The following RXYLT1 variants were observed in gnomAD, a reference collection of about 807,000 sequenced individuals.
The protein encoded by RXYLT1 is ribitol-5-phosphate xylosyltransferase 1.
Under a neutral mutation model 43.5 loss-of-function variants are expected in RXYLT1, and 41 were observed. The observed-to-expected ratio is 0.94, with a 90% confidence interval of 0.73 to 1.22. The LOEUF (loss-of-function observed/expected upper bound fraction) is 1.22, where lower values mean the gene tolerates loss of function less well. Among genes scored for constraint, RXYLT1 ranks in the 50% most tolerant of loss-of-function variants. RXYLT1 has a pLI of 0.00. For synonymous variants in RXYLT1, 166 were observed against 194.4 expected (o/e 0.85, Z 1.21); for missense variants, 514 against 532.0 (o/e 0.97, Z 0.33).
intron 3 of RXYLT1, among the ~76,000 whole-genome samples, chr12:63,800,319 T>C (rs1433721519): frequency 6.6e-6 from 1 of 152,222 alleles, no homozygotes; most frequent in Non-Finnish European, 1.5e-5. Context: ...TTATGTATCA[T>C]GTATATAAAA....
Position 63,780,030 on chromosome 12 carries a change from G to C in RXYLT1, c.70G>C (p.Ala24Pro), listed in dbSNP as rs377034865. Residue 24 changes from alanine to proline, a missense_variant, in exon 1 of 6, where the codon GCC (alanine) becomes CCC (proline). By Grantham distance (27) the Ala-to-Pro change is conservative. Transcript: ENST00000261234. Reference sequence around the variant, plus strand: ...GTACTGCCTATTCTCCCTCTACGCTGCCTACCACGTCTTCTTCGGGCGCCG... The same window carrying C: ...GTACTGCCTATTCTCCCTCTACGCTCCCTACCACGTCTTCTTCGGGCGCCG... ...ALYCLFSLYA[A>P]YHVFFGRRRQ... is the part of the protein sequence containing the mutation. 1.7e-5 allele frequency: 27 copies of C among 1,608,392 alleles called. No homozygotes were observed. The Admixed American group carries it at 2.3e-4, about 14-fold the overall frequency.
chr12:63,782,414 CT>C (rs1225186510), intron 2 of RXYLT1: 2 of 441,368 alleles, frequency 4.5e-6, no homozygotes, highest in Admixed American at 2.5e-5. Context: ...TTGAAGTCAT[CT>C]TTTCCTTTTT....
chr12:63,805,540 T>A, intron 5 of RXYLT1, 136 bp downstream of exon 5: 1 of 832,106 alleles, frequency 1.2e-6, no homozygotes, highest in Non-Finnish European at 1.8e-6. Context: ...CATTAGTAAT[T>A]AAAACTGTGA....
In RXYLT1 at chr12:63,809,183, C is replaced by T; in HGVS notation, c.*91C>T. 3.2e-6 allele frequency: 3 copies of T among 950,174 alleles called. No individual in the cohort carries two copies. The East Asian group carries it at 8.0e-5, about 25-fold the overall frequency. The allele number at this position is 950,174 out of a possible 1,614,324, so 58.9% of individuals were successfully genotyped here. On this transcript the variant is annotated 3_prime_UTR_variant, in exon 6 of 6. Coordinates refer to ENST00000261234, the MANE Select transcript of RXYLT1 (RefSeq NM_014254.3). ...GTGTGTGTATGTATTTATAGATGTT[C>T]TTTAAGGTACCCTTGAAAACTCTAC...
chr12:63,790,056 A>G (rs546320690), intron 3 of RXYLT1, among the ~76,000 whole-genome samples: 3 of 152,350 alleles, frequency 2.0e-5, no homozygotes, highest in African/African-American at 7.2e-5. Flanking sequence ...AAAGGATATC[A>G]TCAGTGTTGC....
chr12:63,805,128 A>G, intron 4 of RXYLT1, 106 bp from the exon 5 acceptor site: 1 of 766,638 alleles, frequency 1.3e-6, no homozygotes, highest in Non-Finnish European at 1.9e-6. Context: ...TAGAAATCAC[A>G]TTTTAAACCT....
At position 63,780,081 on chromosome 12, in the gene RXYLT1, C is replaced by T. The variant is rs919738975; in HGVS notation, c.121C>T (p.Arg41Trp). Residue 41 changes from arginine to tryptophan, a missense_variant, in exon 1 of 6, where the codon CGG (arginine) becomes TGG (tryptophan). Transcript: ENST00000261234. ...RRRQAPAGSP[R>W]GLRKGAAPAR... Reference sequence around the variant, plus strand: ...CCGCCAGGCGCCGGCCGGGTCCCCGCGGGGCCTCAGGAAGGGGGCGGCCCC... The same window carrying T: ...CCGCCAGGCGCCGGCCGGGTCCCCGTGGGGCCTCAGGAAGGGGGCGGCCCC... 6.3e-7 allele frequency: 1 copy of T among 1,592,304 alleles called. No individual in the cohort carries two copies. The highest frequency in any genetic ancestry group is 1.7e-5 in the Admixed American group (1 of 58,106).
Position 63,809,259 on chromosome 12 carries a change from G to A in RXYLT1, c.*167G>A. ...TCAGTCAGTGGTAGACTACATATAT[G>A]ATAGTGGTCCCATAAGATTATAATG... On this transcript the variant is annotated 3_prime_UTR_variant, in exon 6 of 6. Coordinates refer to ENST00000261234, the MANE Select transcript of RXYLT1 (RefSeq NM_014254.3). 3.7e-6 allele frequency: 2 copies of A among 542,490 alleles called. No individual in the cohort carries two copies. Among genetic ancestry groups the A allele is most frequent in the Non-Finnish European group, 6.3e-6 (2 of 319,292 alleles). 33.6% of individuals were successfully genotyped at this position (542,490 alleles called of 1,614,324 possible).
chr12:63,801,380 A>G (rs1898155381), intron 3 of RXYLT1, among the ~76,000 whole-genome samples: 1 of 152,160 alleles, frequency 6.6e-6, no homozygotes. Flanking sequence ...CTCACACCAT[A>G]AAAGGGTTGA....
intron 3 of RXYLT1, among the ~76,000 whole-genome samples, chr12:63,788,155 T>C (rs1013176371): frequency 3.9e-5 from 6 of 152,244 alleles, no homozygotes; most frequent in African/African-American, 1.4e-4. Context: ...CAGTAAACCA[T>C]GCTGTGAACA....
At chr12:63,782,647 CT>C in intron 2 of RXYLT1, 1 of 456,578 alleles carries the variant, frequency 2.2e-6, no homozygotes, top group East Asian at 6.9e-5. Flanking sequence ...CTCTGCAGAT[CT>C]TTTCTGAGTA....
At chr12:63,803,233 T>C (rs1898206628) in intron 4 of RXYLT1, among the ~76,000 whole-genome samples, 1 of 119,764 alleles carries the variant, frequency 8.3e-6, no homozygotes, top group Non-Finnish European at 1.8e-5. Context: ...TCTCCAGCTA[T>C]AAAATGGAAA....
chr12:63,790,260 A>G (rs1323481596), intron 3 of RXYLT1: 4 of 152,356 alleles, frequency 2.6e-5, no homozygotes, highest in Admixed American at 2.6e-4. Context: ...AGGGTTGATT[A>G]CATAATGGAA....
At chr12:63,782,282 T>G (rs1174389767) in intron 2 of RXYLT1, among the ~76,000 whole-genome samples, 1 of 152,220 alleles carries the variant, frequency 6.6e-6, no homozygotes, top group Non-Finnish European at 1.5e-5. Context: ...AAAGTGTCAC[T>G]GGTCCAAGCA....
intron 2 of RXYLT1, among the ~76,000 whole-genome samples, chr12:63,784,708 C>T (rs1565899519): frequency 6.6e-6 from 1 of 152,138 alleles, no homozygotes; most frequent in Non-Finnish European, 1.5e-5. Flanking sequence ...TTTCTCAAAT[C>T]TAGAGTAGGA....
intron 3 of RXYLT1, among the ~76,000 whole-genome samples, chr12:63,798,091 AC>A (rs1230911517): frequency 1.3e-5 from 2 of 152,046 alleles, no homozygotes; most frequent in Non-Finnish European, 2.9e-5. Flanking sequence ...TCAGCAGACA[AC>A]CCTGCCTCCT....
chr12:63,794,068 T>C (rs1039819350), intron 3 of RXYLT1, among the ~76,000 whole-genome samples: 5 of 152,210 alleles, frequency 3.3e-5, no homozygotes, highest in Admixed American at 6.5e-5. Flanking sequence ...GAAAGGAGGT[T>C]GCCATCTTGT....
intron 2 of RXYLT1, chr12:63,782,554 C>T (rs573385070): frequency 7.6e-4 from 345 of 456,604 alleles, no homozygotes; most frequent in African/African-American, 6.4e-3. Flanking sequence ...AAGCTGGCAG[C>T]GTTTCTGCTC....
At chr12:63,786,957 T>C (rs886610629) in intron 3 of RXYLT1, among the ~76,000 whole-genome samples, 2 of 152,060 alleles carry the variant, frequency 1.3e-5, no homozygotes, top group Non-Finnish European at 2.9e-5. Flanking sequence ...CTACTAAAGA[T>C]ACAAAAATTG....
Sources: gnomAD v4.1 joint callset for allele counts (sites outside exome capture counted in the v4.1 genomes callset) on GRCh38, gnomAD v4.1.1 for gene constraint, MANE v1.5 for transcripts, NCBI Gene and HGNC (gene_info 2026-07-23, HGNC 2026-07-21) for gene names.